CC2D1B: variants seen among roughly 807,000 people sequenced by gnomAD.
The protein encoded by CC2D1B is coiled-coil and C2 domain containing 1B, also known as coiled-coil and C2 domain-containing protein 1B.
Under a neutral mutation model 110.8 loss-of-function variants are expected in CC2D1B, and 92 were observed. That is an observed-to-expected ratio of 0.83 (90% CI 0.70 to 0.99). The LOEUF (loss-of-function observed/expected upper bound fraction) is 0.99. CC2D1B is among the 50% of genes least tolerant of loss of function. The pLI is 0.00. For synonymous variants in CC2D1B, 406 were observed against 429.2 expected (o/e 0.95, Z 0.67); for missense variants, 1,136 against 1,089.0 (o/e 1.04, Z -0.61).
chr1:52,355,720 T>TTGGAGTGTCCGGGCAAGA, intron 19 of CC2D1B, 51 bp downstream of exon 19: 1 of 1,613,396 alleles, frequency 6.2e-7, no homozygotes, highest in Middle Eastern at 1.6e-4. Context: ...AGCCTAGCAC[T>TTGGAGTGTCCGGGCAAGA]TGGAGTGTCC....
At chr1:52,360,768 CG>C in intron 5 of CC2D1B, 6 of 893,938 alleles carry the variant, frequency 6.7e-6, no homozygotes, top group South Asian at 1.8e-5. Context: ...ATATGGCTCC[CG>C]GGGGGTAGTC....
intron 8 of CC2D1B, 24 bp from the exon 9 acceptor site, chr1:52,359,558 G>A (rs1471248386): frequency 6.2e-7 from 1 of 1,611,332 alleles, no homozygotes; most frequent in African/African-American, 1.3e-5. Flanking sequence ...AAAAGCAGGT[G>A]TGGGTGAAAG....
Position 52,353,452 on chromosome 1 carries a change from T to C in CC2D1B, c.*1+66A>G, listed in dbSNP as rs145335673. The C allele has an allele frequency of 2.5e-3, 3,872 of 1,547,114 alleles. 15 individuals are homozygous for C. Among genetic ancestry groups the C allele is most frequent in the Admixed American group, 4.2e-3 (199 of 47,860 alleles). On this transcript the variant is annotated intron_variant, in intron 24 of 24. Coordinates refer to ENST00000284376, the MANE Select transcript of CC2D1B (RefSeq NM_001330585.2). ...AACTCCTAGGTTTTCTCTCCAGATA[T>C]GAGTTGAGTAGTTAGTTGAGTAAAA...
chr1:52,356,048 T>C, intron 18 of CC2D1B, 138 bp downstream of exon 18: 1 of 894,948 alleles, frequency 1.1e-6, no homozygotes, highest in Non-Finnish European at 1.8e-6. Context: ...GCATGCACCC[T>C]GTCGTCCTCA....
chr1:52,362,627 G>A lies in CC2D1B; in HGVS notation c.189C>T (p.Gly63=). 6.2e-7 allele frequency: 1 copy of A among 1,614,184 alleles called. No individual in the cohort carries two copies. The highest frequency in any genetic ancestry group is 8.5e-7 in the Non-Finnish European group (1 of 1,180,036). ...CCTGCCCCTTGGGTGCTGGCTTCTT[G>A]CCTGTGGTTTGTGCTTCCCCTGTGA... ...LALTGEAQTT[G]KKPAPKGQAP... The change falls in exon 3 of 25, where the codon GGC becomes GGT. Residue 63 remains glycine (G), a synonymous_variant. Transcript: ENST00000284376.
chr1:52,362,683 C>T lies in CC2D1B; in HGVS notation c.133G>A (p.Asp45Asn). Residue 45 changes from aspartate (D) to asparagine (N), a missense_variant, in exon 3 of 25, where the codon GAT becomes AAT. Coordinates refer to ENST00000284376, the MANE Select transcript of CC2D1B (RefSeq NM_001330585.2). ...AGCAGCTCAGCCTCCAGGTCCTCAT[C>T]ATCTTCAGCCTCATCCATGCCCAGC... ...MLLGMDEAED[D>N]EDLEAELLAL... The T allele has an allele frequency of 6.2e-7, 1 of 1,614,208 alleles. No individual in the cohort carries two copies. Among genetic ancestry groups the T allele is most frequent in the Middle Eastern group, 1.6e-4 (1 of 6,062 alleles).
rs750186040 is a variant in CC2D1B at position 52,360,438 on chromosome 1, C to T, written c.589G>A (p.Glu197Lys). ...AGEAAKARRC[E>K]RGLKTLESQL... ...GCCCGACTCACCTTCAGGCCGCGCTCGCAGCGCCTGGCTTTGGCTGCTTCG... is the reference window on the plus strand; with the variant it reads ...GCCCGACTCACCTTCAGGCCGCGCTTGCAGCGCCTGGCTTTGGCTGCTTCG... The change falls in exon 6 of 25, where the codon GAG becomes AAG. Residue 197 changes from glutamate to lysine, a missense_variant. By Grantham distance (56) the Glu-to-Lys change is moderately conservative. Coordinates refer to ENST00000284376, the MANE Select transcript of CC2D1B (RefSeq NM_001330585.2). The T allele has an allele frequency of 1.1e-5, 17 of 1,613,580 alleles. No homozygotes were observed. Among genetic ancestry groups the T allele is most frequent in the Admixed American group, 6.7e-5 (4 of 59,986 alleles).
intron 13 of CC2D1B, 81 bp downstream of exon 13, chr1:52,358,250 T>C: frequency 6.5e-7 from 1 of 1,535,192 alleles, no homozygotes; most frequent in Non-Finnish European, 8.8e-7. Context: ...ATTGGGCTTG[T>C]TAGTATGGAC....
chr1:52,358,515 A>G (rs1435076584), intron 12 of CC2D1B, 54 bp from the exon 13 acceptor site: 3 of 1,610,328 alleles, frequency 1.9e-6, no homozygotes, highest in Non-Finnish European at 2.5e-6. Flanking sequence ...GAGAAGCACA[A>G]AGCTACCCGG....
chr1:52,360,324 A>G lies in CC2D1B; in HGVS notation c.604-91T>C, dbSNP rs565377496. 2.3e-5 allele frequency: 37 copies of G among 1,595,296 alleles called. No individual in the cohort carries two copies. In the East Asian group the frequency reaches 7.8e-4, roughly 34 times the overall value. On this transcript the variant is annotated intron_variant, in intron 6 of 24. Transcript: ENST00000284376. ...GCCAGGGGTGGCCCCCCAACCCCCA[A>G]AGTCTGGTGGGGTGACCTCCCCTCC...
chr1:52,354,991 G>GGAAGT (rs755954635), intron 21 of CC2D1B, 52 bp from the exon 22 acceptor site: 1 of 1,484,570 alleles, frequency 6.7e-7, no homozygotes, highest in Admixed American at 1.7e-5. Context: ...GATTTCCTGA[G>GGAAGT]GAAGTGGAAA....
intron 12 of CC2D1B, 62 bp downstream of exon 12, chr1:52,358,601 GAAGTGGGAATCACTGGCTGTCCC>G: frequency 6.4e-7 from 1 of 1,566,074 alleles, no homozygotes; most frequent in Non-Finnish European, 8.8e-7. Context: ...AGACGCATGA[GAAGTGGGAATCACTGGCTGTCCC>G]CCATTCCCTT....
intron 18 of CC2D1B, 151 bp downstream of exon 18, chr1:52,356,035 C>A: frequency 1.1e-6 from 1 of 870,088 alleles, no homozygotes; most frequent in East Asian, 2.4e-5. Context: ...GCGCTCTCCA[C>A]TAGCATGCAC....
chr1:52,363,823 G>A (rs1646833297), intron 2 of CC2D1B, among the ~76,000 whole-genome samples: 1 of 152,094 alleles, frequency 6.6e-6, no homozygotes, highest in Non-Finnish European at 1.5e-5. Context: ...TGGGAATACA[G>A]GCACATGCCA....
rs780965138 is a variant in CC2D1B at position 52,357,608 on chromosome 1, G to C, written c.1670C>G (p.Ala557Gly). ...QAKRSQDLEQ[A>G]KAYLRVAKWL... ...TTTGGCTACCCGCAGATAGGCTTTG[G>C]CCTGCTCCAGGTCCTGGCTGCGCTT... The change falls in exon 15 of 25, where the codon GCC becomes GGC. Residue 557 changes from alanine to glycine, a missense_variant. By Grantham distance (60) the Ala-to-Gly change is moderately conservative. Coordinates refer to ENST00000284376, the MANE Select transcript of CC2D1B (RefSeq NM_001330585.2). The C allele has an allele frequency of 6.3e-7, 1 of 1,589,872 alleles. No homozygotes were observed. The highest frequency in any genetic ancestry group is 1.1e-5 in the South Asian group (1 of 87,788).
At chr1:52,356,464 G>A (rs768720168) in intron 16 of CC2D1B, 22 bp from the exon 17 acceptor site, 22 of 1,613,872 alleles carry the variant, frequency 1.4e-5, no homozygotes, top group Non-Finnish European at 1.9e-5. Context: ...GGCCCAGAGT[G>A]ACTCCCGAGC....
At chr1:52,358,919 C>G (rs151092789) in intron 11 of CC2D1B, 108 bp downstream of exon 11, 2 of 1,511,976 alleles carry the variant, frequency 1.3e-6, no homozygotes, top group Non-Finnish European at 1.8e-6. Context: ...GAGAGACAAA[C>G]AGATGATGGT....
chr1:52,360,674 C>T, intron 5 of CC2D1B, 125 bp from the exon 6 acceptor site: 1 of 1,396,378 alleles, frequency 7.2e-7, no homozygotes, highest in Non-Finnish European at 9.7e-7. Context: ...GCCTAAAAGC[C>T]TTAAGGCAGG....
intron 23 of CC2D1B, 151 bp downstream of exon 23, chr1:52,354,455 CTG>C (rs1646598720): frequency 3.9e-6 from 3 of 761,458 alleles, no homozygotes; most frequent in Non-Finnish European, 7.1e-6. Context: ...ACCTCTCCAT[CTG>C]TGAAATGAGG....
Sources: gnomAD v4.1 joint callset for allele counts (sites outside exome capture counted in the v4.1 genomes callset) on GRCh38, gnomAD v4.1.1 for gene constraint, MANE v1.5 for transcripts, NCBI Gene and HGNC (gene_info 2026-07-23, HGNC 2026-07-21) for gene names.